Variants in MUSK observed in about 807,000 individuals in gnomAD.
MUSK encodes the protein muscle associated receptor tyrosine kinase, also known as muscle, skeletal receptor tyrosine-protein kinase.
Under a neutral mutation model 88.7 loss-of-function variants are expected in MUSK, and 55 were observed. The ratio of observed to expected loss-of-function variants is 0.62; its 90% CI spans 0.50 to 0.78. The LOEUF (loss-of-function observed/expected upper bound fraction) is 0.78, where lower values mean the gene tolerates loss of function less well. MUSK is among the 30% of genes least tolerant of loss of function. The pLI is 0.00. For synonymous variants in MUSK, 387 were observed against 391.9 expected (o/e 0.99, Z 0.15); for missense variants, 1,015 against 1,074.3 (o/e 0.94, Z 0.77).
chr9:110,773,736 C>T (rs1021236892), intron 9 of MUSK, among the ~76,000 whole-genome samples: 7 of 152,174 alleles, frequency 4.6e-5, no homozygotes, highest in East Asian at 3.9e-4. Flanking sequence ...GTTAGTTCTC[C>T]TCACTTGTGT....
intron 5 of MUSK, among the ~76,000 whole-genome samples, chr9:110,715,896 T>C (rs1307022375): frequency 6.7e-6 from 1 of 149,364 alleles, no homozygotes; most frequent in Non-Finnish European, 1.5e-5. Context: ...CCACATGTTG[T>C]CACTTATAAG....
intron 2 of MUSK, among the ~76,000 whole-genome samples, chr9:110,686,824 A>T (rs970794421): frequency 6.6e-6 from 1 of 152,132 alleles, no homozygotes; most frequent in East Asian, 1.9e-4. Context: ...TCTTGGTTTT[A>T]TATGCTTTTC....
intron 7 of MUSK, among the ~76,000 whole-genome samples, chr9:110,756,802 T>C (rs1393740355): frequency 6.6e-6 from 1 of 152,082 alleles, no homozygotes; most frequent in African/African-American, 2.4e-5. Context: ...GTTGGGGTGA[T>C]TGTGCCTTTT....
At position 110,804,980 on chromosome 9, in the gene MUSK, A is replaced by C. The variant is rs1288240113; in HGVS notation, c.*3992A>C. ...ACTTCAAGCCTTGCTTTTATCACTT[A>C]ATATATCTTAAACATCTTCTACATG... On this transcript the variant is annotated 3_prime_UTR_variant, in exon 15 of 15. Coordinates refer to ENST00000374448, the MANE Select transcript of MUSK (RefSeq NM_005592.4). Among the ~76,000 whole-genome samples, 1 of 151,950 alleles carries C rather than the reference A, an allele frequency of 6.6e-6. No homozygotes were observed. Among genetic ancestry groups the C allele is most frequent in the Non-Finnish European group, 1.5e-5 (1 of 67,816 alleles).
chr9:110,779,114 T>C (rs913556637), intron 11 of MUSK, among the ~76,000 whole-genome samples: 1 of 151,840 alleles, frequency 6.6e-6, no homozygotes, highest in African/African-American at 2.4e-5. Flanking sequence ...ATTTCATAAT[T>C]TGAAATGTGG....
rs147562871 is a variant in MUSK at position 110,787,709 on chromosome 9, T to A, written c.1798T>A (p.Tyr600Asn). The change falls in exon 14 of 15, where the codon TAT becomes AAT. Residue 600 changes from tyrosine (Y) to asparagine (N), a missense_variant. Physicochemically the swap from Tyr to Asn is moderately radical, Grantham distance 143. Transcript: ENST00000374448. ...FQARAPGLLPYEPFTMVAVKM... is the reference protein window; with the variant it reads ...FQARAPGLLPNEPFTMVAVKM... ...TCTCAGGGCACCAGGCTTACTTCCC[T>A]ATGAACCTTTCACTATGGTGGCAGT... The A allele has an allele frequency of 1.7e-5, 27 of 1,613,832 alleles. No homozygotes were observed. Among genetic ancestry groups the A allele is most frequent in the Non-Finnish European group, 2.2e-5 (26 of 1,179,852 alleles).
intron 5 of MUSK, among the ~76,000 whole-genome samples, chr9:110,723,084 T>C (rs1334983064): frequency 6.6e-6 from 1 of 152,080 alleles, no homozygotes; most frequent in African/African-American, 2.4e-5. Flanking sequence ...TGCACATGCA[T>C]GTTCATAGCA....
chr9:110,738,410 T>G (rs2077055229), intron 6 of MUSK, among the ~76,000 whole-genome samples: 1 of 152,134 alleles, frequency 6.6e-6, no homozygotes, highest in African/African-American at 2.4e-5. Context: ...GCAGAGCAAG[T>G]TCTTTTGCTA....
chr9:110,776,695 T>C (rs1477827462), intron 11 of MUSK, 40 bp downstream of exon 11: 1 of 1,515,642 alleles, frequency 6.6e-7, no homozygotes, highest in Non-Finnish European at 9.1e-7. Context: ...CTTATGTGTA[T>C]GTAATTGGAT....
intron 14 of MUSK, among the ~76,000 whole-genome samples, chr9:110,799,735 C>A (rs550514824): frequency 6.6e-6 from 1 of 152,020 alleles, no homozygotes; most frequent in East Asian, 1.9e-4. Context: ...TGGGGAGAAA[C>A]CTCAAATAGT....
At chr9:110,781,647 T>C (rs1054619097) in intron 11 of MUSK, among the ~76,000 whole-genome samples, 1 of 152,162 alleles carries the variant, frequency 6.6e-6, no homozygotes, top group African/African-American at 2.4e-5. Context: ...TACACAGAAA[T>C]TTATTTCTCA....
intron 14 of MUSK, among the ~76,000 whole-genome samples, chr9:110,788,778 G>T (rs921734267): frequency 6.6e-6 from 1 of 152,026 alleles, no homozygotes; most frequent in South Asian, 2.1e-4. Context: ...CAGAGAAGTT[G>T]GAATGTGAGC....
chr9:110,690,203 TATAA>T (rs1346507465), intron 3 of MUSK, among the ~76,000 whole-genome samples: 1 of 104,560 alleles, frequency 9.6e-6, no homozygotes, highest in African/African-American at 3.9e-5. Context: ...TATAAATATA[TATAA>T]ATATATATTT....
In MUSK at chr9:110,803,609, A is replaced by AG. The variant is rs1564303291; in HGVS notation, c.*2621_*2622insG. On this transcript the variant is annotated 3_prime_UTR_variant, in exon 15 of 15. Transcript: ENST00000374448. ...CTCTATATCTATATTTTATTCTATT[A>AG]ACTTCCTAAGTCTTTTTAATGAATA... Among the ~76,000 whole-genome samples, 1 of 152,232 alleles carries AG rather than the reference A, an allele frequency of 6.6e-6. No homozygotes were observed. The highest frequency in any genetic ancestry group is 1.5e-5 in the Non-Finnish European group (1 of 68,036).
intron 1 of MUSK, among the ~76,000 whole-genome samples, chr9:110,673,944 G>C (rs1423580044): frequency 6.6e-6 from 1 of 151,942 alleles, no homozygotes; most frequent in Non-Finnish European, 1.5e-5. Flanking sequence ...TGTGCTGCCT[G>C]CTATTTTTAC....
chr9:110,687,244 T>G lies in MUSK; in HGVS notation c.334T>G (p.Cys112Gly), dbSNP rs2076210194. 5.0e-6 allele frequency: 8 copies of G among 1,613,658 alleles called. No homozygotes were observed. In the South Asian group the frequency reaches 8.8e-5, roughly 18 times the overall value. ...NNGVGGAVESCGALQVKMKPK... is the reference protein window; with the variant it reads ...NNGVGGAVESGGALQVKMKPK... Reference sequence around the variant, plus strand: ...TGGTGTGGGAGGAGCTGTGGAGAGTTGTGGAGCCCTGCAAGTGAAGATGAG... The same window carrying G: ...TGGTGTGGGAGGAGCTGTGGAGAGTGGTGGAGCCCTGCAAGTGAAGATGAG... The change falls in exon 3 of 15, where the codon TGT (cysteine) becomes GGT (glycine). Residue 112 changes from cysteine to glycine, a missense_variant. By Grantham distance (159) the Cys-to-Gly change is radical (BLOSUM62 -3). Transcript: ENST00000374448.
At chr9:110,718,608 G>T (rs941844042) in intron 5 of MUSK, among the ~76,000 whole-genome samples, 1 of 152,010 alleles carries the variant, frequency 6.6e-6, no homozygotes, top group African/African-American at 2.4e-5. Context: ...CCTAAGAATA[G>T]TTGGAAGGAA....
At chr9:110,775,655 C>A in intron 9 of MUSK, 133 bp from the exon 10 acceptor site, 1 of 778,896 alleles carries the variant, frequency 1.3e-6, no homozygotes, top group Admixed American at 2.1e-5. Flanking sequence ...TAAAAAGTTT[C>A]TTTCATAAAC....
At chr9:110,682,936 G>A in intron 2 of MUSK, 136 bp downstream of exon 2, 6 of 531,602 alleles carry the variant, frequency 1.1e-5, no homozygotes, top group Admixed American at 3.4e-5. Context: ...ATGGAGAATG[G>A]GGTATCCATC....
Sources: allele counts gnomAD v4.1 joint callset (sites outside exome capture counted in the v4.1 genomes callset), GRCh38; gene constraint gnomAD v4.1.1; transcripts MANE v1.5; gene names NCBI Gene and HGNC (gene_info 2026-07-23, HGNC 2026-07-21).